Variants in RGL1 observed in about 807,000 individuals in gnomAD.
RGL1 encodes the protein ral guanine nucleotide dissociation stimulator like 1, also known as ral guanine nucleotide dissociation stimulator-like 1.
In RGL1, 24 loss-of-function variants were observed where a neutral mutation model predicts 95.2. The ratio of observed to expected loss-of-function variants is 0.25; its 90% confidence interval spans 0.18 to 0.35. The LOEUF is 0.35. Among genes scored for constraint, RGL1 ranks in the 10% least tolerant of loss-of-function variants. The pLI, the probability that RGL1 is intolerant of heterozygous loss-of-function variation, is 1.00. For missense variants in RGL1, 715 were observed against 936.3 expected (o/e 0.76, Z 3.08); for synonymous variants, 329 against 344.9 (o/e 0.95, Z 0.51).
chr1:183,801,143 TTGTGTGTGTGTG>T (rs139990784), upstream of RGL1, among the ~76,000 whole-genome samples: 9 of 129,888 alleles, frequency 6.9e-5, no homozygotes, highest in Non-Finnish European at 1.6e-4. Context: ...ACTTGTTATT[TTGTGTGTGTGTG>T]TGTGTGTGTG....
chr1:183,718,769 C>T (rs150640877), intron 1 of RGL1, among the ~76,000 whole-genome samples: 62 of 151,810 alleles, frequency 4.1e-4, no homozygotes, highest in African/African-American at 1.3e-3. Context: ...AAAAACTACC[C>T]GGGCATGGTG....
At chr1:183,717,313 C>T (rs1265976468) in intron 1 of RGL1, among the ~76,000 whole-genome samples, 1 of 152,132 alleles carries the variant, frequency 6.6e-6, no homozygotes, top group Non-Finnish European at 1.5e-5. Context: ...GTAGAAACCT[C>T]TAGGGCACCA....
At chr1:183,869,584 C>T (rs1047955317) in intron 4 of RGL1, among the ~76,000 whole-genome samples, 3 of 152,206 alleles carry the variant, frequency 2.0e-5, no homozygotes, top group Admixed American at 2.0e-4. Flanking sequence ...CTGGTGACCT[C>T]TTTCTTCCTT....
Position 183,704,103 on chromosome 1 carries a change from C to T in RGL1, c.-32-38023C>T, listed in dbSNP as rs947070813. On this transcript the variant is annotated intron_variant, in intron 1 of 18. Coordinates refer to the RGL1 transcript ENST00000304685. Reference sequence around the variant, plus strand: ...GAACAAGGACAGGGACAAAAACTGGCCTTGCACAGGTTGTAGGTGTACTTG... The same window carrying T: ...GAACAAGGACAGGGACAAAAACTGGTCTTGCACAGGTTGTAGGTGTACTTG... Among the ~76,000 whole-genome samples the T allele has an allele frequency of 2.0e-5, 3 of 152,284 alleles. No individual in the cohort carries two copies. The South Asian group carries it at 6.2e-4, about 32-fold the overall frequency.
At chr1:183,673,862 G>A (rs906752349) in intron 1 of RGL1, among the ~76,000 whole-genome samples, 10 of 152,306 alleles carry the variant, frequency 6.6e-5, no homozygotes, top group African/African-American at 2.4e-4. Context: ...GTTTGCAAGT[G>A]TCTATCTGGC....
At chr1:183,835,465 G>A (rs1663581617) in intron 2 of RGL1, among the ~76,000 whole-genome samples, 1 of 152,200 alleles carries the variant, frequency 6.6e-6, no homozygotes, top group Non-Finnish European at 1.5e-5. Flanking sequence ...GTATTACCCA[G>A]TAGTTTCTCA....
At chr1:183,644,807 C>T (rs976028032) in intron 1 of RGL1, among the ~76,000 whole-genome samples, 13 of 152,112 alleles carry the variant, frequency 8.5e-5, no homozygotes, top group African/African-American at 2.7e-4. Flanking sequence ...ATTTGCTGTC[C>T]GATCAGCAGG....
At chr1:183,800,958 A>G (rs891060204), upstream of RGL1, among the ~76,000 whole-genome samples, 6 of 152,230 alleles carry the variant, frequency 3.9e-5, no homozygotes, top group Non-Finnish European at 8.8e-5. Flanking sequence ...AAGTGCAAGT[A>G]TCGCTTTCAG....
intron 1 of RGL1, among the ~76,000 whole-genome samples, chr1:183,679,299 A>G (rs983192260): frequency 1.3e-5 from 2 of 152,168 alleles, no homozygotes; most frequent in African/African-American, 4.8e-5. Flanking sequence ...CAGGTTTGTT[A>G]CATAGGTATA....
At chr1:183,668,347 A>G (rs998440974) in intron 1 of RGL1, among the ~76,000 whole-genome samples, 15 of 152,116 alleles carry the variant, frequency 9.9e-5, no homozygotes, top group Admixed American at 3.3e-4. Context: ...GTTTTTTTCT[A>G]TCAACACTTT....
At chr1:183,778,116 G>A (rs1380214594) in intron 2 of RGL1, among the ~76,000 whole-genome samples, 1 of 151,880 alleles carries the variant, frequency 6.6e-6, no homozygotes, top group African/African-American at 2.4e-5. Context: ...TTTATTTTTG[G>A]CTCACTTTCC....
At chr1:183,882,150 C>G (rs10797918) in intron 5 of RGL1, among the ~76,000 whole-genome samples, 1 of 152,084 alleles carries the variant, frequency 6.6e-6, no homozygotes, top group Admixed American at 6.5e-5. Context: ...AAAGTAAAAT[C>G]GTGCTTCATG....
At chr1:183,910,448 GA>G (rs1302669733) in intron 14 of RGL1, among the ~76,000 whole-genome samples, 1 of 152,182 alleles carries the variant, frequency 6.6e-6, no homozygotes, top group Non-Finnish European at 1.5e-5. Flanking sequence ...GTTTAAGTGG[GA>G]GTTTAGTCTT....
At chr1:183,721,863 T>C (rs1432330260) in intron 1 of RGL1, among the ~76,000 whole-genome samples, 4 of 152,258 alleles carry the variant, frequency 2.6e-5, no homozygotes, top group African/African-American at 7.2e-5. Flanking sequence ...CTTATCACAA[T>C]GATGATGGTA....
At chr1:183,798,197 T>C (rs1298037211) in intron 2 of RGL1, among the ~76,000 whole-genome samples, 1 of 152,194 alleles carries the variant, frequency 6.6e-6, no homozygotes, top group Non-Finnish European at 1.5e-5. Context: ...ATTATTATTA[T>C]TGCCCTCTCA....
chr1:183,879,209 G>A (rs945498429), intron 4 of RGL1, among the ~76,000 whole-genome samples: 3 of 150,852 alleles, frequency 2.0e-5, no homozygotes, highest in Admixed American at 6.6e-5. Context: ...GTGAAACAAT[G>A]ATCTACACCA....
At chr1:183,899,385 G>GT in intron 10 of RGL1, among the ~76,000 whole-genome samples, 1 of 152,266 alleles carries the variant, frequency 6.6e-6, no homozygotes, top group South Asian at 2.1e-4. Context: ...TTTCTTGACT[G>GT]TTTTTTATGA....
At chr1:183,830,550 G>C (rs555903914) in intron 2 of RGL1, among the ~76,000 whole-genome samples, 1 of 151,978 alleles carries the variant, frequency 6.6e-6, no homozygotes, top group East Asian at 1.9e-4. Flanking sequence ...CTCTGTTTTC[G>C]AAGCAAACAG....
intron 2 of RGL1, among the ~76,000 whole-genome samples, chr1:183,779,275 T>C (rs1323228137): frequency 6.6e-6 from 1 of 150,718 alleles, no homozygotes; most frequent in Admixed American, 6.6e-5. Flanking sequence ...TAGTCTTGCT[T>C]TGTCGTCCAG....
Sources: allele counts gnomAD v4.1 joint callset (sites outside exome capture counted in the v4.1 genomes callset), GRCh38; gene constraint gnomAD v4.1.1; transcripts MANE v1.5; gene names NCBI Gene and HGNC (gene_info 2026-07-23, HGNC 2026-07-21).